The following COL4A6 variants were observed in gnomAD, a reference collection of about 807,000 sequenced individuals.
COL4A6 encodes collagen type IV alpha 6 chain.
COL4A6 carries 59 observed loss-of-function variants against 126.7 expected under a neutral mutation model. The observed-to-expected ratio is 0.47, with a 90% CI of 0.38 to 0.58. The LOEUF (loss-of-function observed/expected upper bound fraction) is 0.58. COL4A6 is among the 20% of genes least tolerant of loss of function. COL4A6 has a pLI of 0.00. For synonymous variants in COL4A6, 547 were observed against 496.6 expected (o/e 1.10, Z -1.35); for missense variants, 1,285 against 1,337.3 (o/e 0.96, Z 0.61).
chrX:108,156,815 G>A lies in COL4A6; in HGVS notation c.*185C>T, dbSNP rs981741280. The stretch of plus-strand genomic sequence containing the variant: ...ACAGGACAGCAGATCTCAGCAGGGT[G>A]GGCTCATCTCTATGGACCCGAGGGC... On this transcript the variant is annotated 3_prime_UTR_variant, in exon 45 of 45. Transcript: ENST00000334504. 38 of 478,200 alleles carry A rather than the reference G, an allele frequency of 7.9e-5. No individual in the cohort carries two copies. The highest frequency in any genetic ancestry group is 1.4e-4 in the Non-Finnish European group (37 of 273,677). 39.4% of individuals were successfully genotyped at this position (478,200 alleles called of 1,213,427 possible). A position where few individuals can be genotyped will look rare whatever the true frequency, so the allele number is the denominator to read the frequency against.
intron 18 of COL4A6, among the ~76,000 whole-genome samples, chrX:108,191,817 C>T (rs1042547821): frequency 7.2e-5 from 8 of 111,371 alleles, no homozygotes; most frequent in Admixed American, 1.9e-4. Context: ...TGATTTTTTT[C>T]CAACTTGGTC....
intron 32 of COL4A6, among the ~76,000 whole-genome samples, 154 bp from the exon 33 acceptor site, chrX:108,171,615 C>A (rs190660763): frequency 9.0e-6 from 1 of 111,663 alleles, no homozygotes; most frequent in East Asian, 2.8e-4. Flanking sequence ...TGATGAACCA[C>A]CATCCAGGAG....
chrX:108,369,705 A>T (rs1385869289), intron 2 of COL4A6, among the ~76,000 whole-genome samples: 1 of 112,440 alleles, frequency 8.9e-6, no homozygotes, highest in African/African-American at 3.2e-5. Flanking sequence ...CTTTAGCAGT[A>T]CGCATATCAC....
intron 2 of COL4A6, among the ~76,000 whole-genome samples, chrX:108,436,219 C>T (rs1226534292): frequency 8.9e-6 from 1 of 112,299 alleles, no homozygotes; most frequent in African/African-American, 3.2e-5. Flanking sequence ...ATCTGTGGAA[C>T]TCAAGGTCAA....
At chrX:108,235,521 A>C (rs2148303383) in intron 3 of COL4A6, among the ~76,000 whole-genome samples, 1 of 111,014 alleles carries the variant, frequency 9.0e-6, no homozygotes, top group Admixed American at 9.6e-5. Context: ...TCAAAGAGAG[A>C]TGGTTTCAGC....
chrX:108,213,234 T>C (rs1007112130), intron 6 of COL4A6, among the ~76,000 whole-genome samples: 9 of 112,334 alleles, frequency 8.0e-5, no homozygotes, highest in Non-Finnish European at 1.7e-4. Context: ...GTCTCATGAA[T>C]GGAGTGATTT....
At chrX:108,159,418 G>A in intron 44 of COL4A6, 44 bp downstream of exon 44, 1 of 1,193,792 alleles carries the variant, frequency 8.4e-7, no homozygotes, top group Non-Finnish European at 1.1e-6. Context: ...AGTCCAAGGG[G>A]CCCTTTGCCT....
chrX:108,243,643 A>G (rs1283870164), intron 3 of COL4A6, among the ~76,000 whole-genome samples: 1 of 112,063 alleles, frequency 8.9e-6, no homozygotes, highest in Non-Finnish European at 1.9e-5. Context: ...CATGGCCTGG[A>G]CATTGGGGTT....
At chrX:108,286,831 C>G (rs779892278) in intron 3 of COL4A6, among the ~76,000 whole-genome samples, 1 of 111,625 alleles carries the variant, frequency 9.0e-6, no homozygotes, top group Admixed American at 9.5e-5. Context: ...CCAGGTCTCC[C>G]AAAACACTGG....
intron 23 of COL4A6, among the ~76,000 whole-genome samples, chrX:108,181,424 T>C (rs959360375): frequency 8.9e-6 from 1 of 112,083 alleles, no homozygotes; most frequent in East Asian, 2.8e-4. Flanking sequence ...TCCCTCAAGT[T>C]CTCATGTTTA....
At position 108,188,672 on chromosome X, in the gene COL4A6, A is replaced by G; in HGVS notation, c.1432T>C (p.Ser478Pro). 8.7e-7 allele frequency: 1 copy of G among 1,149,203 alleles called. No individual in the cohort carries two copies. The highest frequency in any genetic ancestry group is 1.2e-6 in the Non-Finnish European group (1 of 865,553). 94.7% of individuals were successfully genotyped at this position (1,149,203 alleles called of 1,213,427 possible). The change falls in exon 21 of 45, where the codon TCA (serine) becomes CCA (proline). Residue 478 changes from serine to proline, a missense_variant. By Grantham distance (74) the Ser-to-Pro change is moderately conservative (BLOSUM62 -1). Coordinates refer to ENST00000334504, the MANE Select transcript of COL4A6 (RefSeq NM_033641.4). The stretch of plus-strand genomic sequence containing the variant: ...CCACCGTCACAAGCACAGAAACCTG[A>G]GTCTCCTGGGAGAAAAAGACAACAT... ...NLGLKGIKGD[S>P]GFCACDGGVP...
intron 3 of COL4A6, among the ~76,000 whole-genome samples, chrX:108,296,574 C>A (rs2038332227): frequency 8.9e-6 from 1 of 112,025 alleles, no homozygotes; most frequent in African/African-American, 3.2e-5. Flanking sequence ...TTGAACAAAG[C>A]TCTATACAAA....
intron 2 of COL4A6, among the ~76,000 whole-genome samples, chrX:108,343,163 A>AGTGTGTGTG (rs1417437971): frequency 1.8e-4 from 6 of 32,488 alleles, no homozygotes; most frequent in African/African-American, 5.4e-4. Context: ...ATATATATAT[A>AGTGTGTGTG]TAGTGTGTGT....
At chrX:108,252,228 G>T (rs1192413780) in intron 3 of COL4A6, among the ~76,000 whole-genome samples, 1 of 110,639 alleles carries the variant, frequency 9.0e-6, no homozygotes, top group Non-Finnish European at 1.9e-5. Flanking sequence ...GTGAGTTCAT[G>T]TGTTATTTAC....
At chrX:108,221,021 C>T in intron 4 of COL4A6, 1 of 457,160 alleles carries the variant, frequency 2.2e-6, no homozygotes, top group Non-Finnish European at 4.0e-6. Flanking sequence ...TCATTTGAAC[C>T]CAAGAAGCAG....
At chrX:108,360,675 T>C (rs1177751290) in intron 2 of COL4A6, among the ~76,000 whole-genome samples, 1 of 109,761 alleles carries the variant, frequency 9.1e-6, no homozygotes, top group Non-Finnish European at 1.9e-5. Context: ...TAGCTGGGAT[T>C]ACAGGCACCT....
At chrX:108,225,912 C>T (rs748387312) in intron 3 of COL4A6, among the ~76,000 whole-genome samples, 2 of 112,624 alleles carry the variant, frequency 1.8e-5, no homozygotes, top group South Asian at 3.7e-4. Flanking sequence ...TGACTGACAA[C>T]TTAGAGCTTT....
chrX:108,279,994 C>T (rs1344928157), intron 3 of COL4A6, among the ~76,000 whole-genome samples: 1 of 110,690 alleles, frequency 9.0e-6, no homozygotes, highest in East Asian at 2.8e-4. Context: ...ATTCAAAGCA[C>T]TGTGTAGAGG....
intron 2 of COL4A6, among the ~76,000 whole-genome samples, chrX:108,365,123 T>A (rs943684128): frequency 5.4e-5 from 6 of 112,020 alleles, no homozygotes; most frequent in Non-Finnish European, 9.4e-5. Context: ...TCAACTCTAA[T>A]TTCTTTCTGT....
Sources: gnomAD v4.1 joint callset for allele counts (sites outside exome capture counted in the v4.1 genomes callset) on GRCh38, gnomAD v4.1.1 for gene constraint, MANE v1.5 for transcripts, NCBI Gene and HGNC (gene_info 2026-07-23, HGNC 2026-07-21) for gene names.